KDM6A: variants seen among roughly 807,000 people sequenced by gnomAD.
The protein encoded by KDM6A is lysine-specific demethylase 6A.
A neutral mutation model predicts 117.6 loss-of-function variants in KDM6A; 11 were observed. The observed-to-expected ratio is 0.09, with a 90% CI of 0.06 to 0.15. KDM6A has a LOEUF of 0.15. KDM6A is among the 10% of genes least tolerant of loss of function. The pLI is 1.00. For missense variants in KDM6A, 799 were observed against 1,077.3 expected (o/e 0.74, Z 3.62); for synonymous variants, 384 against 396.1 (o/e 0.97, Z 0.36).
intron 4 of KDM6A, among the ~76,000 whole-genome samples, chrX:45,001,951 A>G (rs1359446618): frequency 9.0e-6 from 1 of 111,104 alleles, no homozygotes; most frequent in Non-Finnish European, 1.9e-5. Context: ...TTTACCGGAA[A>G]TTCTAGGGGT....
chrX:45,011,626 C>G (rs912938324), intron 5 of KDM6A, among the ~76,000 whole-genome samples: 1 of 111,292 alleles, frequency 9.0e-6, no homozygotes, highest in African/African-American at 3.3e-5. Context: ...TTCTGTTTAC[C>G]AGACAATAGT....
intron 4 of KDM6A, among the ~76,000 whole-genome samples, chrX:44,984,087 T>C (rs775631283): frequency 9.0e-6 from 1 of 110,678 alleles, no homozygotes; most frequent in South Asian, 3.8e-4. Flanking sequence ...TTCCTGACTT[T>C]TTAATGATTG....
intron 2 of KDM6A, among the ~76,000 whole-genome samples, chrX:44,893,948 GA>G (rs1375800192): frequency 9.0e-6 from 1 of 111,547 alleles, no homozygotes; most frequent in African/African-American, 3.3e-5. Context: ...ATTGATTTCT[GA>G]ATGCTAAACC....
At chrX:45,074,400 ACAGCC>A (rs1287975430) in intron 18 of KDM6A, among the ~76,000 whole-genome samples, 1 of 112,278 alleles carries the variant, frequency 8.9e-6, no homozygotes, top group Non-Finnish European at 1.9e-5. Flanking sequence ...TCCTGTTATC[ACAGCC>A]CTGCCCTTTG....
At chrX:45,055,604 G>GT (rs1214443815) in intron 10 of KDM6A, among the ~76,000 whole-genome samples, 1 of 111,143 alleles carries the variant, frequency 9.0e-6, no homozygotes, top group Non-Finnish European at 1.9e-5. Flanking sequence ...GCCTGACAAA[G>GT]TGGCTATTCG....
intron 6 of KDM6A, among the ~76,000 whole-genome samples, chrX:45,021,975 T>G (rs2042186689): frequency 8.9e-6 from 1 of 112,278 alleles, no homozygotes; most frequent in Non-Finnish European, 1.9e-5. Context: ...TTTTGCAGTT[T>G]CTATTAGCTA....
At chrX:44,878,806 C>T (rs762660576) in intron 2 of KDM6A, among the ~76,000 whole-genome samples, 2 of 110,446 alleles carry the variant, frequency 1.8e-5, no homozygotes, top group South Asian at 3.9e-4. Flanking sequence ...ACTGCAACCT[C>T]GGTCTTCCAG....
In KDM6A at chrX:45,089,815, G is replaced by A; in HGVS notation, c.3777G>A (p.Val1259=). The A allele has an allele frequency of 8.3e-7, 1 of 1,208,369 alleles. No homozygotes were observed. The highest frequency in any genetic ancestry group is 1.1e-6 in the Non-Finnish European group (1 of 892,706). ...LEDLYEANVP[V]YRFIQRPGDL... Reference sequence around the variant, plus strand: ...ATCTTTATGAAGCAAATGTTCCAGTGTATAGGTTTATTCAGCGACCTGGAG... The same window carrying A: ...ATCTTTATGAAGCAAATGTTCCAGTATATAGGTTTATTCAGCGACCTGGAG... The change falls in exon 26 of 30, where the codon GTG becomes GTA. Residue 1259 remains valine, a synonymous_variant. Transcript: ENST00000611820.
At chrX:44,956,743 T>G (rs1232296491) in intron 2 of KDM6A, among the ~76,000 whole-genome samples, 1 of 111,642 alleles carries the variant, frequency 9.0e-6, no homozygotes, top group Non-Finnish European at 1.9e-5. Flanking sequence ...TACATTGACC[T>G]GTTGTCTGCT....
chrX:45,043,729 G>C (rs990962619), intron 8 of KDM6A, among the ~76,000 whole-genome samples: 2 of 111,300 alleles, frequency 1.8e-5, no homozygotes, highest in African/African-American at 6.5e-5. Context: ...AGTGAGCCAA[G>C]ATGGCGCCAC....
intron 5 of KDM6A, among the ~76,000 whole-genome samples, chrX:45,012,571 G>A (rs2041814306): frequency 9.0e-6 from 1 of 110,866 alleles, no homozygotes. Context: ...TTAAGCTCAC[G>A]GGTGAGTTCT....
chrX:44,988,758 G>A (rs764770466), intron 4 of KDM6A, among the ~76,000 whole-genome samples: 68 of 110,949 alleles, frequency 6.1e-4, no homozygotes, highest in Non-Finnish European at 1.0e-3. Context: ...CTGCCTGATC[G>A]TTCCTCTGGA....
intron 2 of KDM6A, among the ~76,000 whole-genome samples, chrX:44,892,939 G>A (rs2033496672): frequency 9.7e-6 from 1 of 102,773 alleles, no homozygotes; most frequent in Admixed American, 1.1e-4. Context: ...GGAGGCAGAG[G>A]TTGCAGTGAG....
chrX:44,922,165 C>T (rs1196423746), intron 2 of KDM6A, among the ~76,000 whole-genome samples: 1 of 101,136 alleles, frequency 9.9e-6, no homozygotes, highest in Non-Finnish European at 2.0e-5. Context: ...GCCTCAGCCT[C>T]CCCTAGTAGC....
At chrX:44,930,329 G>T (rs1008485778) in intron 2 of KDM6A, among the ~76,000 whole-genome samples, 56 of 111,139 alleles carry the variant, frequency 5.0e-4, no homozygotes, top group African/African-American at 1.8e-3. Context: ...CTGATGTATT[G>T]TGCTTTTGTG....
intron 17 of KDM6A, among the ~76,000 whole-genome samples, chrX:45,067,165 C>T (rs1414272548): frequency 4.5e-5 from 5 of 111,394 alleles, no homozygotes; most frequent in Non-Finnish European, 9.4e-5. Context: ...GGTATATCTA[C>T]CTTTTAGTTT....
Position 45,059,486 on chromosome X carries a change from G to GT in KDM6A, c.1194+26dup, listed in dbSNP as rs772180100. 1.0e-5 allele frequency: 11 copies of GT among 1,086,385 alleles called. No individual in the cohort carries two copies. The East Asian group carries it at 1.8e-4, about 18-fold the overall frequency. 89.5% of individuals were successfully genotyped at this position (1,086,385 alleles called of 1,213,427 possible). A position where few individuals can be genotyped will look rare whatever the true frequency, so the allele number is the denominator to read the frequency against. The stretch of plus-strand genomic sequence containing the variant: ...TTACAGGTAAAATTTTTAAATGGCA[G>GT]TTTTTTAAAGCCACATATTTCCCCA... On this transcript the variant is annotated intron_variant, in intron 12 of 29. Transcript: ENST00000611820.
chrX:45,053,919 A>T lies in KDM6A; in HGVS notation c.839A>T (p.Asp280Val). The T allele has an allele frequency of 8.3e-7, 1 of 1,209,010 alleles. No homozygotes were observed. Among genetic ancestry groups the T allele is most frequent in the South Asian group, 1.8e-5 (1 of 56,938 alleles). ...IQYLQKSLEA[D>V]PNSGQSWYFL... ...TATCTCCAAAAGTCCTTGGAAGCAG[A>T]TCCTAATTCTGGCCAGTCCTGGTAT... Residue 280 changes from aspartate to valine, a missense_variant, in exon 10 of 30, where the codon GAT becomes GTT. This residue lies in a region of KDM6A where 63 missense variants were observed against 68.2 expected (regional missense o/e 0.92). Coordinates refer to ENST00000611820, the MANE Select transcript of KDM6A (RefSeq NM_001291415.2).
chrX:45,011,123 A>G (rs1156896326), intron 5 of KDM6A, 104 bp downstream of exon 5: 6 of 568,393 alleles, frequency 1.1e-5, no homozygotes, highest in Non-Finnish European at 1.8e-5. Context: ...TAAATAGAAA[A>G]TTTAGTGTCA....
Sources: allele counts gnomAD v4.1 joint callset (sites outside exome capture counted in the v4.1 genomes callset), GRCh38; gene constraint gnomAD v4.1.1; regional missense constraint gnomAD v4.1.1; transcripts MANE v1.5; gene names NCBI Gene and HGNC (gene_info 2026-07-23, HGNC 2026-07-21).